The following PPP2R5C variants were observed in gnomAD, a reference collection of about 807,000 sequenced individuals.
PPP2R5C encodes protein phosphatase 2 regulatory subunit B'gamma.
In PPP2R5C, 7 loss-of-function variants were observed where a neutral mutation model predicts 68.9. That is an observed-to-expected ratio of 0.10 (90% CI 0.06 to 0.19). The LOEUF (loss-of-function observed/expected upper bound fraction) is 0.19, where lower values mean the gene tolerates loss of function less well. Ranked by LOEUF, PPP2R5C falls within the 10% of genes least tolerant of loss-of-function variation. The probability of loss-of-function intolerance (pLI) is 1.00; values close to 1 mark genes in which losing one functional copy is unlikely to be tolerated. For missense variants in PPP2R5C, 348 were observed against 641.3 expected (o/e 0.54, Z 4.94); for synonymous variants, 210 against 222.2 (o/e 0.95, Z 0.49).
chr14:101,850,711 C>A (rs975578918), intron 1 of PPP2R5C, among the ~76,000 whole-genome samples: 1 of 152,076 alleles, frequency 6.6e-6, no homozygotes, highest in Non-Finnish European at 1.5e-5. Flanking sequence ...GAGAGAGAGC[C>A]CTGCCTGCAC....
intron 5 of PPP2R5C, 80 bp from the exon 8 acceptor site, chr14:101,890,157 C>T: frequency 1.5e-6 from 2 of 1,302,952 alleles, no homozygotes; most frequent in Non-Finnish European, 2.2e-6. Flanking sequence ...TTGCCTGGCT[C>T]CATGGCTCCT....
intron 11 of PPP2R5C, 117 bp from the exon 14 acceptor site, chr14:101,912,284 C>G: frequency 2.7e-6 from 2 of 727,320 alleles, no homozygotes; most frequent in Non-Finnish European, 4.3e-6. Context: ...GGAAATGGAG[C>G]AGGGGGGCTG....
chr14:101,820,723 G>A (rs1219384359), intron 1 of PPP2R5C: 16 of 152,108 alleles, frequency 1.1e-4, no homozygotes, highest in Non-Finnish European at 1.6e-4. Context: ...CGGCAGATCC[G>A]CCTGTCTTCT....
chr14:101,871,652 A>AT (rs1435982167), intron 2 of PPP2R5C, among the ~76,000 whole-genome samples: 2 of 150,188 alleles, frequency 1.3e-5, no homozygotes, highest in East Asian at 2.0e-4. Flanking sequence ...CCACCTTCCT[A>AT]TTTTTTTTCT....
At chr14:101,865,256 G>A (rs769479901) in intron 2 of PPP2R5C, among the ~76,000 whole-genome samples, 1 of 152,154 alleles carries the variant, frequency 6.6e-6, no homozygotes, top group Non-Finnish European at 1.5e-5. Flanking sequence ...GCAGACACTG[G>A]GTCTCTCACA....
In PPP2R5C at chr14:101,916,961, C is replaced by G. The variant is rs1451044333; in HGVS notation, c.1327-870C>G. Among the ~76,000 whole-genome samples the G allele has an allele frequency of 6.6e-6, 1 of 152,120 alleles. No individual in the cohort carries two copies. The highest frequency in any genetic ancestry group is 1.5e-5 in the Non-Finnish European group (1 of 68,012). ...GAGGGTGGCAGTACACACACACGACCACGCAGGACAAACAGGCGCCCCACA... is the reference window on the plus strand; with the variant it reads ...GAGGGTGGCAGTACACACACACGACGACGCAGGACAAACAGGCGCCCCACA... On this transcript the variant is annotated intron_variant, in intron 12 of 13. Coordinates refer to ENST00000334743, the Ensembl canonical transcript of PPP2R5C. The surrounding 1 kb of genome is among the most constrained non-coding windows in gnomAD (Gnocchi z 5.5).
chr14:101,876,608 A>G (rs983948324), intron 2 of PPP2R5C, among the ~76,000 whole-genome samples: 4 of 152,244 alleles, frequency 2.6e-5, no homozygotes, highest in African/African-American at 9.6e-5. Flanking sequence ...CATCTAATTT[A>G]ATAAATTTAG....
intron 2 of PPP2R5C, among the ~76,000 whole-genome samples, chr14:101,876,236 A>G (rs2043768810): frequency 2.0e-5 from 3 of 152,202 alleles, no homozygotes; most frequent in Admixed American, 6.5e-5. Flanking sequence ...CAGTTCCATC[A>G]CAGGAGGAAG....
At chr14:101,829,804 G>A (rs1040213885) in intron 1 of PPP2R5C, among the ~76,000 whole-genome samples, 1 of 152,154 alleles carries the variant, frequency 6.6e-6, no homozygotes, top group Admixed American at 6.5e-5. Flanking sequence ...TCCTTACGCA[G>A]TGCCTTCAAA....
chr14:101,833,055 A>T (rs2040849523), intron 1 of PPP2R5C, among the ~76,000 whole-genome samples: 1 of 152,246 alleles, frequency 6.6e-6, no homozygotes, highest in Admixed American at 6.5e-5. Context: ...CCACACTGGC[A>T]GTGATTAGAT....
intron 2 of PPP2R5C, among the ~76,000 whole-genome samples, chr14:101,880,650 A>T (rs1052421247): frequency 7.9e-5 from 12 of 152,176 alleles, no homozygotes; most frequent in African/African-American, 2.9e-4. Context: ...AAATAAAATT[A>T]GCAGAGCATG....
At chr14:101,898,697 G>A (rs1049296025) in intron 8 of PPP2R5C, among the ~76,000 whole-genome samples, 29 of 152,178 alleles carry the variant, frequency 1.9e-4, no homozygotes, top group African/African-American at 6.5e-4. Flanking sequence ...CCCACCCGGG[G>A]ACACTTCATT....
At chr14:101,798,025 G>A (rs2038696906) in intron 3 of PPP2R5C, among the ~76,000 whole-genome samples, 1 of 152,212 alleles carries the variant, frequency 6.6e-6, no homozygotes, top group Non-Finnish European at 1.5e-5. Flanking sequence ...GAACATAGCT[G>A]AATGTTAGGT....
chr14:101,925,257 C>G (rs763143293), exon 14 of PPP2R5C: 3 of 1,613,054 alleles, frequency 1.9e-6, no homozygotes, highest in Admixed American at 3.3e-5. Flanking sequence ...AGCTGGCCTC[C>G]CAGGACGGCC....
At position 101,879,318 on chromosome 14, in the gene PPP2R5C, G is replaced by C. The variant is rs980425647; in HGVS notation, c.295-2843G>C. ...TCTTGGGCAGCAGGCCTCTTCCAGA[G>C]GGACGGCTGTTTCCTCTCCCCCAAG... is the stretch of plus-strand genomic sequence containing the variant. On this transcript the variant is annotated intron_variant, in intron 2 of 13. Transcript: ENST00000334743. This position sits in a 1 kb window ranked among gnomAD's most constrained non-coding sequence, Gnocchi z 4.2. The C allele has an allele frequency of 6.6e-6, 1 of 152,478 alleles. No individual in the cohort carries two copies. Among genetic ancestry groups the C allele is most frequent in the Non-Finnish European group, 1.5e-5 (1 of 68,246 alleles). The allele number at this position is 152,478 out of a possible 1,614,324, so 9.4% of individuals were successfully genotyped here.
In PPP2R5C at chr14:101,882,409, C is replaced by G. The variant is rs2044221444; in HGVS notation, c.405+138C>G. The G allele has an allele frequency of 3.6e-6, 2 of 558,552 alleles. No individual in the cohort carries two copies. Among genetic ancestry groups the G allele is most frequent in the African/African-American group, 3.8e-5 (2 of 52,236 alleles). The allele number at this position is 558,552 out of a possible 1,614,324, so 34.6% of individuals were successfully genotyped here. A position where few individuals can be genotyped will look rare whatever the true frequency, so the allele number is the denominator to read the frequency against. ...CATGGGCCTCGTAAACCCATATGTA[C>G]AAGAAAAATATTTCAGCAGAATAAA... On this transcript the variant is annotated intron_variant, in intron 3 of 13. Transcript: ENST00000334743. The surrounding 1 kb of genome is among the most constrained non-coding windows in gnomAD (Gnocchi z 4.9).
At chr14:101,831,406 G>A (rs1440651584) in intron 1 of PPP2R5C, among the ~76,000 whole-genome samples, 1 of 152,200 alleles carries the variant, frequency 6.6e-6, no homozygotes, top group Non-Finnish European at 1.5e-5. Context: ...CAGTTAGGAG[G>A]ACTAGTTCAG....
At position 101,835,874 on chromosome 14, in the gene PPP2R5C, T is replaced by C. The variant is rs1383770367; in HGVS notation, c.95-20812T>C. On this transcript the variant is annotated intron_variant, in intron 1 of 13. Coordinates refer to ENST00000334743, the Ensembl canonical transcript of PPP2R5C. This position sits in a 1 kb window ranked among gnomAD's most constrained non-coding sequence, Gnocchi z 5.0. ...TCGCCTTAACCTCTCTGTAGACCTC[T>C]GTCCTTGTCTATCTAATGGGGATGA... Among the ~76,000 whole-genome samples, 1 of 152,240 alleles carries C rather than the reference T, an allele frequency of 6.6e-6. No homozygotes were observed. Among genetic ancestry groups the C allele is most frequent in the East Asian group, 1.9e-4 (1 of 5,198 alleles).
In PPP2R5C at chr14:101,891,957, TTTTTTG is replaced by T. The variant is rs1191000757; in HGVS notation, c.690-1030_690-1025del. 6.6e-6 allele frequency among the ~76,000 whole-genome samples: 1 copy of T among 152,150 alleles called. No homozygotes were observed. The highest frequency in any genetic ancestry group is 1.9e-4 in the East Asian group (1 of 5,202). ...GAACAGCTTTCTGTTTTTTTGTTTG[TTTTTTG>T]TTTTTGTTTTTGAGATAGAGTCTCG... On this transcript the variant is annotated intron_variant, in intron 6 of 13. Transcript: ENST00000334743. This position sits in a 1 kb window ranked among gnomAD's most constrained non-coding sequence, Gnocchi z 4.9.
Sources: allele counts gnomAD v4.1 joint callset (sites outside exome capture counted in the v4.1 genomes callset), GRCh38; gene constraint gnomAD v4.1.1; non-coding constraint Gnocchi (gnomAD v3.1); transcripts MANE v1.5; gene names NCBI Gene and HGNC (gene_info 2026-07-23, HGNC 2026-07-21).